Variants in LOC128092253 observed in about 807,000 individuals in gnomAD.
At chr6:133,969,046 A>C in the LOC128092253 span, 1 of 152,206 alleles carries the variant, frequency 6.6e-6, no homozygotes, top group Non-Finnish European at 1.5e-5. Context: ...TTTAAACATT[A>C]TTAAGATGAG....
At chr6:133,973,998 C>T in the LOC128092253 span, among the ~76,000 whole-genome samples, 1 of 115,568 alleles carries the variant, frequency 8.7e-6, no homozygotes, top group Non-Finnish European at 1.9e-5. Flanking sequence ...AGCATCCAGA[C>T]TTTACCAAAA....
chr6:133,978,353 G>T, the LOC128092253 span, among the ~76,000 whole-genome samples: 2 of 152,138 alleles, frequency 1.3e-5, no homozygotes, highest in African/African-American at 4.8e-5. Flanking sequence ...CTGCTGTGTG[G>T]TAGGCATGGT....
the LOC128092253 span, among the ~76,000 whole-genome samples, chr6:133,962,003 A>G: frequency 2.3e-4 from 35 of 152,220 alleles, no homozygotes; most frequent in African/African-American, 8.4e-4. Flanking sequence ...GGTTCACATG[A>G]GTTGCATACT....
chr6:133,961,621 C>G, the LOC128092253 span, among the ~76,000 whole-genome samples: 1 of 151,946 alleles, frequency 6.6e-6, no homozygotes, highest in African/African-American at 2.4e-5. Flanking sequence ...GTGCACATCA[C>G]CATGCCCGAC....
the LOC128092253 span, among the ~76,000 whole-genome samples, chr6:133,977,900 G>T: frequency 6.6e-6 from 1 of 152,188 alleles, no homozygotes; most frequent in Admixed American, 6.5e-5. Flanking sequence ...ATGAAAAAGG[G>T]CAGAAAGGCA....
chr6:133,967,899 A>G, the LOC128092253 span, among the ~76,000 whole-genome samples: 5 of 152,314 alleles, frequency 3.3e-5, no homozygotes, highest in Admixed American at 1.3e-4. Flanking sequence ...TGCGATCCCA[A>G]TCTTGTTTCA....
the LOC128092253 span, among the ~76,000 whole-genome samples, chr6:133,966,876 A>G: frequency 6.6e-6 from 1 of 152,174 alleles, no homozygotes; most frequent in Non-Finnish European, 1.5e-5. Context: ...TGTGCTACCC[A>G]TTCTTCTCTT....
chr6:133,962,344 A>G, the LOC128092253 span, among the ~76,000 whole-genome samples: 6 of 152,220 alleles, frequency 3.9e-5, no homozygotes, highest in African/African-American at 4.8e-5. Context: ...AGAGAGTTCT[A>G]TTAGAAGCCT....
At chr6:133,965,305 A>G in the LOC128092253 span, among the ~76,000 whole-genome samples, 135 of 152,348 alleles carry the variant, frequency 8.9e-4, no homozygotes, top group African/African-American at 3.1e-3. Flanking sequence ...GTAGGGGCAC[A>G]TATAAGACCT....
At chr6:133,958,766 G>A in the LOC128092253 span, among the ~76,000 whole-genome samples, 1 of 151,922 alleles carries the variant, frequency 6.6e-6, no homozygotes, top group Non-Finnish European at 1.5e-5. Context: ...ATACTATAGA[G>A]GTTTATATAA....
chr6:133,976,925 G>A, the LOC128092253 span, among the ~76,000 whole-genome samples: 4 of 148,804 alleles, frequency 2.7e-5, no homozygotes, highest in Admixed American at 6.8e-5. Context: ...CCAAGATCGC[G>A]TCACAGCCCT....
chr6:133,972,187 A>G, the LOC128092253 span, among the ~76,000 whole-genome samples: 1 of 152,198 alleles, frequency 6.6e-6, no homozygotes, highest in Non-Finnish European at 1.5e-5. Flanking sequence ...TCCCCCAAGT[A>G]TTTGAGTCTA....
At chr6:133,971,262 C>T in the LOC128092253 span, among the ~76,000 whole-genome samples, 3 of 151,990 alleles carry the variant, frequency 2.0e-5, no homozygotes, top group Non-Finnish European at 4.4e-5. Flanking sequence ...TCACAAATGA[C>T]AAGATTTCTT....
chr6:133,958,624 G>A, the LOC128092253 span, among the ~76,000 whole-genome samples: 4 of 152,180 alleles, frequency 2.6e-5, no homozygotes, highest in East Asian at 5.8e-4. Context: ...TAGTTTAGTT[G>A]TGTGGACATT....
At chr6:133,959,328 C>T in the LOC128092253 span, among the ~76,000 whole-genome samples, 3 of 152,060 alleles carry the variant, frequency 2.0e-5, no homozygotes, top group African/African-American at 7.2e-5. Flanking sequence ...GCAATGGGCA[C>T]GAGCCACCAT....
the LOC128092253 span, among the ~76,000 whole-genome samples, chr6:133,969,146 T>C: frequency 1.3e-5 from 2 of 152,162 alleles, no homozygotes; most frequent in Non-Finnish European, 1.5e-5. Flanking sequence ...ATTGAACTTA[T>C]CTTTTCTTAA....
chr6:133,954,041 G>A, the LOC128092253 span, among the ~76,000 whole-genome samples: 1 of 152,252 alleles, frequency 6.6e-6, no homozygotes, highest in Non-Finnish European at 1.5e-5. Context: ...GATGAGAGTC[G>A]GGATAAGTGA....
chr6:133,955,588 A>G, the LOC128092253 span, among the ~76,000 whole-genome samples: 2 of 152,122 alleles, frequency 1.3e-5, no homozygotes, highest in Admixed American at 1.3e-4. Context: ...TTGGTTGTGA[A>G]TACAACAGGT....
the LOC128092253 span, among the ~76,000 whole-genome samples, chr6:133,958,741 A>G: frequency 6.6e-6 from 1 of 152,110 alleles, no homozygotes; most frequent in Non-Finnish European, 1.5e-5. Context: ...GTTGAAATCC[A>G]TTTTTATAAA....
Sources: gnomAD v4.1 joint callset for allele counts (sites outside exome capture counted in the v4.1 genomes callset) on GRCh38, gnomAD v4.1.1 for gene constraint, MANE v1.5 for transcripts.